ZSWIM5: variants seen among roughly 807,000 people sequenced by gnomAD.
The protein encoded by ZSWIM5 is zinc finger SWIM domain-containing protein 5.
In ZSWIM5, 55 loss-of-function variants were observed where a neutral mutation model predicts 119.6. That is an observed-to-expected ratio of 0.46 (90% CI 0.37 to 0.58). The LOEUF (loss-of-function observed/expected upper bound fraction) is 0.58. ZSWIM5 is among the 20% of genes least tolerant of loss of function. The pLI is 0.00. For synonymous variants in ZSWIM5, 537 were observed against 606.9 expected (o/e 0.88, Z 1.69); for missense variants, 1,193 against 1,512.8 (o/e 0.79, Z 3.51).
intron 1 of ZSWIM5, 71 bp downstream of exon 1, chr1:45,205,685 G>A: frequency 1.4e-6 from 2 of 1,385,332 alleles, no homozygotes; most frequent in Non-Finnish European, 1.9e-6. Flanking sequence ...TCGGCCCCAG[G>A]GCTCGGGCCG....
intron 1 of ZSWIM5, among the ~76,000 whole-genome samples, chr1:45,185,082 C>G (rs1459020285): frequency 6.6e-6 from 1 of 152,086 alleles, no homozygotes; most frequent in African/African-American, 2.4e-5. Context: ...ACAGAGGCCT[C>G]AGAAATAACG....
At chr1:45,037,621 G>A (rs989059201) in intron 8 of ZSWIM5, among the ~76,000 whole-genome samples, 19 of 152,280 alleles carry the variant, frequency 1.2e-4, no homozygotes, top group African/African-American at 4.1e-4. Flanking sequence ...GCAAACTCAG[G>A]TTTCCAAGAT....
chr1:45,148,050 T>G (rs1645773084), intron 1 of ZSWIM5, among the ~76,000 whole-genome samples: 4 of 152,330 alleles, frequency 2.6e-5, no homozygotes, highest in Non-Finnish European at 5.9e-5. Flanking sequence ...CAGAGAAATA[T>G]ATGAATATTC....
intron 1 of ZSWIM5, among the ~76,000 whole-genome samples, chr1:45,168,095 C>A (rs1438182351): frequency 1.3e-5 from 2 of 152,030 alleles, no homozygotes; most frequent in Non-Finnish European, 2.9e-5. Context: ...CAATGATAGA[C>A]TGGATTAAGA....
chr1:45,050,658 G>A (rs1413491730), intron 5 of ZSWIM5, among the ~76,000 whole-genome samples: 1 of 152,168 alleles, frequency 6.6e-6, no homozygotes, highest in East Asian at 1.9e-4. Flanking sequence ...GAGGAAAACA[G>A]AAGTAAGAAA....
intron 1 of ZSWIM5, among the ~76,000 whole-genome samples, chr1:45,093,977 AG>A (rs1645382941): frequency 6.6e-6 from 1 of 151,270 alleles, no homozygotes; most frequent in Non-Finnish European, 1.5e-5. Flanking sequence ...CCCAAGTAGC[AG>A]AAACTACAGG....
intron 2 of ZSWIM5, among the ~76,000 whole-genome samples, chr1:45,068,320 G>A (rs911145111): frequency 1.3e-5 from 2 of 151,690 alleles, no homozygotes; most frequent in Admixed American, 6.6e-5. Flanking sequence ...TGGCCAGGCT[G>A]GTCTTGAACT....
At chr1:45,021,256 C>T (rs942462349) in intron 11 of ZSWIM5, among the ~76,000 whole-genome samples, 9 of 152,164 alleles carry the variant, frequency 5.9e-5, no homozygotes, top group Non-Finnish European at 1.3e-4. Context: ...AGGATGGTCT[C>T]GATCTCTGAC....
chr1:45,088,227 C>G lies in ZSWIM5; in HGVS notation c.606G>C (p.Leu202=). The G allele has an allele frequency of 6.3e-7, 1 of 1,593,468 alleles. No homozygotes were observed. Among genetic ancestry groups the G allele is most frequent in the Non-Finnish European group, 8.6e-7 (1 of 1,168,564 alleles). Residue 202 remains leucine (L), a synonymous_variant, in exon 2 of 14, where the codon CTG becomes CTC. Coordinates refer to ENST00000359600, the MANE Select transcript of ZSWIM5 (RefSeq NM_020883.2). The surrounding 1 kb of genome is among the most constrained non-coding windows in gnomAD (Gnocchi z 4.2). ...TGGCCAGCTCAGTTACTGTGCCACT[C>G]AGATGAAAGCCTAAGGAAACACAAA... ...VENVLQVGFH[L]SGTVTELATA... is the part of the protein sequence containing the mutation.
intron 1 of ZSWIM5, among the ~76,000 whole-genome samples, chr1:45,172,181 C>T (rs1430819708): frequency 2.0e-5 from 3 of 152,018 alleles, no homozygotes; most frequent in Non-Finnish European, 4.4e-5. Flanking sequence ...ATGTGACTCA[C>T]GGTTGCGAAA....
chr1:45,205,815 G>T lies in ZSWIM5; in HGVS notation c.536C>A (p.Pro179Gln). 2 of 1,536,032 alleles carry T rather than the reference G, an allele frequency of 1.3e-6. No homozygotes were observed. Among genetic ancestry groups the T allele is most frequent in the Non-Finnish European group, 1.7e-6 (2 of 1,145,188 alleles). The change falls in exon 1 of 14, where the codon CCG (proline) becomes CAG (glutamine). Residue 179 changes from proline to glutamine, a missense_variant. This residue lies in a region of ZSWIM5 where 961 missense variants were observed against 1,290.0 expected (regional missense o/e 0.74). Transcript: ENST00000359600. The stretch of plus-strand genomic sequence containing the variant: ...CAGCAGACGGATGCCCCGGCGGAAC[G>T]GGAGCCCCTCGCCACCGCAGCCGGC... Reference protein sequence around the residue: ...GAAGCGGEGLPFRRGIRLLDS... With the variant: ...GAAGCGGEGLQFRRGIRLLDS...
intron 1 of ZSWIM5, among the ~76,000 whole-genome samples, chr1:45,094,845 C>A (rs557537293): frequency 9.6e-4 from 145 of 151,132 alleles, no homozygotes; most frequent in Non-Finnish European, 1.9e-3. Context: ...TCACTGTACT[C>A]CAGAACAAGG....
chr1:45,047,320 G>A (rs559610799), intron 5 of ZSWIM5, among the ~76,000 whole-genome samples: 1 of 152,142 alleles, frequency 6.6e-6, no homozygotes, highest in East Asian at 1.9e-4. Context: ...TAAGTAACCG[G>A]TACAAGAGCT....
intron 2 of ZSWIM5, among the ~76,000 whole-genome samples, chr1:45,067,538 C>T (rs1178000330): frequency 1.3e-5 from 2 of 151,608 alleles, no homozygotes; most frequent in Non-Finnish European, 2.9e-5. Flanking sequence ...AGATTGCCTA[C>T]AGAGATCATA....
intron 1 of ZSWIM5, among the ~76,000 whole-genome samples, chr1:45,135,926 T>C (rs891575099): frequency 3.9e-5 from 6 of 151,938 alleles, no homozygotes; most frequent in African/African-American, 1.5e-4. Flanking sequence ...AGTGGTGTGA[T>C]CTAGGCTCAC....
chr1:45,151,768 T>C (rs1488284960), intron 1 of ZSWIM5, among the ~76,000 whole-genome samples: 1 of 152,204 alleles, frequency 6.6e-6, no homozygotes, highest in Non-Finnish European at 1.5e-5. Context: ...TTAGCAGCTT[T>C]ACTGAGAAAA....
intron 1 of ZSWIM5, among the ~76,000 whole-genome samples, chr1:45,199,364 T>C (rs1395694206): frequency 6.6e-6 from 1 of 151,758 alleles, no homozygotes; most frequent in Admixed American, 6.6e-5. Flanking sequence ...AGTGGCACGA[T>C]CTTGGCTCAC....
chr1:45,038,796 A>G (rs1248738985), intron 8 of ZSWIM5, 140 bp downstream of exon 8: 1 of 973,690 alleles, frequency 1.0e-6, no homozygotes, highest in Non-Finnish European at 1.5e-6. Flanking sequence ...GGGTTTTGCC[A>G]TGTTGCCCAG....
At chr1:45,154,469 A>G (rs1645815494) in intron 1 of ZSWIM5, among the ~76,000 whole-genome samples, 1 of 152,212 alleles carries the variant, frequency 6.6e-6, no homozygotes, top group African/African-American at 2.4e-5. Context: ...CTTCGACGAA[A>G]CAAACAAAAA....
Sources: allele counts gnomAD v4.1 joint callset (sites outside exome capture counted in the v4.1 genomes callset), GRCh38; gene constraint gnomAD v4.1.1; regional missense constraint gnomAD v4.1.1; non-coding constraint Gnocchi (gnomAD v3.1); transcripts MANE v1.5; gene names NCBI Gene and HGNC (gene_info 2026-07-23, HGNC 2026-07-21).